The following SVIL variants were observed in gnomAD, a reference collection of about 807,000 sequenced individuals.
SVIL encodes the protein archvillin.
In SVIL, 101 loss-of-function variants were observed where a neutral mutation model predicts 240.4. The ratio of observed to expected loss-of-function variants is 0.42; its 90% CI spans 0.36 to 0.50. The LOEUF is 0.50. Among genes scored for constraint, SVIL ranks in the 20% least tolerant of loss-of-function variants. The pLI is 0.01. For synonymous variants in SVIL, 999 were observed against 1,100.0 expected, an observed-to-expected ratio of 0.91 and a Z score of 1.82; for missense variants, 2,512 against 2,818.7, an observed-to-expected ratio of 0.89 and a Z score of 2.46.
chr10:29,582,310 A>G (rs1194655551), intron 1 of SVIL, among the ~76,000 whole-genome samples: 1 of 152,224 alleles, frequency 6.6e-6, no homozygotes, highest in African/African-American at 2.4e-5. Flanking sequence ...GAGCACCTGG[A>G]GAACAGCTCT....
chr10:29,519,701 C>T (rs572185102), intron 16 of SVIL, among the ~76,000 whole-genome samples: 1 of 152,200 alleles, frequency 6.6e-6, no homozygotes, highest in African/African-American at 2.4e-5. Flanking sequence ...AGCATAGCTG[C>T]TAAATAAAGT....
intron 29 of SVIL, among the ~76,000 whole-genome samples, chr10:29,477,301 T>C (rs1946301419): frequency 6.6e-6 from 1 of 152,246 alleles, no homozygotes; most frequent in Non-Finnish European, 1.5e-5. Context: ...AGACTGTTCA[T>C]GGTCAAGCAT....
At chr10:29,691,551 G>A (rs1049933999) in intron 1 of SVIL, among the ~76,000 whole-genome samples, 38 of 152,140 alleles carry the variant, frequency 2.5e-4, no homozygotes, top group African/African-American at 8.7e-4. Flanking sequence ...TCTTGGCGAC[G>A]CTCCAGCTTC....
At chr10:29,711,648 T>C (rs1221994858) in intron 1 of SVIL, among the ~76,000 whole-genome samples, 2 of 151,640 alleles carry the variant, frequency 1.3e-5, no homozygotes, top group Non-Finnish European at 2.9e-5. Flanking sequence ...TAATCCCAAC[T>C]ACTCAGGAGG....
rs200033641 is a variant in SVIL, at chr10:29,486,514, C to T, written c.4529G>A (p.Gly1510Asp). The T allele has an allele frequency of 2.4e-5, 38 of 1,614,130 alleles. No individual in the cohort carries two copies. The East Asian group carries it at 8.5e-4, about 36-fold the overall frequency. ...ATLIQTKREL[G>D]CRATYIQTIE... Reference sequence around the variant, plus strand: ...GGTTTGGATATAAGTAGCTCTACAACCAAGTTCCCTCTTTGTCTGAATTAA... The same window carrying T: ...GGTTTGGATATAAGTAGCTCTACAATCAAGTTCCCTCTTTGTCTGAATTAA... The change falls in exon 25 of 38, where the codon GGT becomes GAT. Residue 1510 changes from glycine (G) to aspartate (D), a missense_variant. This residue lies in a region of SVIL where 797 missense variants were observed against 925.3 expected (regional missense o/e 0.86). Transcript: ENST00000355867.
At chr10:29,548,292 T>C (rs1952885133) in intron 6 of SVIL, among the ~76,000 whole-genome samples, 1 of 152,176 alleles carries the variant, frequency 6.6e-6, no homozygotes, top group African/African-American at 2.4e-5. Flanking sequence ...TGAATCTTTT[T>C]TTTCAGAATG....
intron 1 of SVIL, among the ~76,000 whole-genome samples, chr10:29,602,956 A>G (rs11007667): frequency 0.14 from 21,054 of 152,118 alleles, 3,510 homozygotes; most frequent in African/African-American, 0.39. Context: ...ATTGCATTCC[A>G]GCCTGGGCAA....
intron 3 of SVIL, among the ~76,000 whole-genome samples, chr10:29,556,972 G>T (rs571853348): frequency 9.8e-4 from 149 of 152,288 alleles, no homozygotes; most frequent in Admixed American, 1.7e-3. Flanking sequence ...GTGCCTAAAA[G>T]GTACGACTTG....
chr10:29,611,347 T>C (rs564383146), intron 1 of SVIL, among the ~76,000 whole-genome samples: 38 of 152,054 alleles, frequency 2.5e-4, no homozygotes, highest in African/African-American at 9.2e-4. Flanking sequence ...ACATAAGGAC[T>C]GGATGCTGGT....
intron 1 of SVIL, among the ~76,000 whole-genome samples, chr10:29,726,214 A>C (rs1589586592): frequency 6.6e-6 from 1 of 152,214 alleles, no homozygotes; most frequent in Admixed American, 6.5e-5. Context: ...GCACCACTGC[A>C]CCTGGCCCCC....
intron 17 of SVIL, among the ~76,000 whole-genome samples, chr10:29,510,095 C>T (rs540296996): frequency 1.3e-5 from 2 of 152,048 alleles, no homozygotes; most frequent in East Asian, 1.9e-4. Flanking sequence ...GGTTTTACCA[C>T]GTTGCCCAAG....
At position 29,550,924 on chromosome 10, in the gene SVIL, T is replaced by A; in HGVS notation, c.500A>T (p.Tyr167Phe). 1 of 1,614,052 alleles carries A rather than the reference T, an allele frequency of 6.2e-7. No homozygotes were observed. The highest frequency in any genetic ancestry group is 8.5e-7 in the Non-Finnish European group (1 of 1,180,016). ...EESSRDASSL[Y>F]PGTETMGLRT... ...GAGCCCCATCGTCTCGGTCCCGGGGTACAGAGAACTAGCATCTCTGCTTGA... is the reference window on the plus strand; with the variant it reads ...GAGCCCCATCGTCTCGGTCCCGGGGAACAGAGAACTAGCATCTCTGCTTGA... Residue 167 changes from tyrosine (Y) to phenylalanine (F), a missense_variant, in exon 6 of 38, where the codon TAC (tyrosine) becomes TTC (phenylalanine). By Grantham distance (22) the Tyr-to-Phe change is conservative (BLOSUM62 3). Coordinates refer to ENST00000355867, the MANE Select transcript of SVIL (RefSeq NM_021738.3).
In SVIL at chr10:29,493,355, C is replaced by T. The variant is rs780441080; in HGVS notation, c.3878G>A (p.Gly1293Asp). The change falls in exon 21 of 38, where the codon GGC becomes GAC. Residue 1293 changes from glycine to aspartate, a missense_variant. By Grantham distance (94) the Gly-to-Asp change is moderately conservative (BLOSUM62 -1). Coordinates refer to ENST00000355867, the MANE Select transcript of SVIL (RefSeq NM_021738.3). ...CTTCATCACCTCCTTCACAGATTTGCCGGTGACAGTGAGCACCGTTTCGTG... is the reference window on the plus strand; with the variant it reads ...CTTCATCACCTCCTTCACAGATTTGTCGGTGACAGTGAGCACCGTTTCGTG... Reference protein sequence around the residue: ...GMHETVLTVTGKSVKEVMKPD... With the variant: ...GMHETVLTVTDKSVKEVMKPD... 2.5e-6 allele frequency: 4 copies of T among 1,614,006 alleles called. No individual in the cohort carries two copies. Among genetic ancestry groups the T allele is most frequent in the Non-Finnish European group, 3.4e-6 (4 of 1,180,028 alleles).
chr10:29,557,976 T>C lies in SVIL; in HGVS notation c.-50-2868A>G, dbSNP rs182842783. ...GGATGTTGAATGTCCCAGGTTCTTA[T>C]AGTGATGCTAAATCACCCCCATTTG... On this transcript the variant is annotated intron_variant, in intron 3 of 37. Transcript: ENST00000355867. Among the ~76,000 whole-genome samples, 582 of 152,326 alleles carry C rather than the reference T, an allele frequency of 3.8e-3. 2 individuals are homozygous for C. The highest frequency in any genetic ancestry group is 0.013 in the African/African-American group (560 of 41,566).
intron 17 of SVIL, among the ~76,000 whole-genome samples, chr10:29,506,710 G>GGGGACAGAGGGCCTACAGGGAA (rs1949343601): frequency 7.7e-6 from 1 of 130,568 alleles, no homozygotes; most frequent in African/African-American, 2.7e-5. Context: ...CTACGAGGGA[G>GGGGACAGAGGGCCTACAGGGAA]GGGATAGAGA....
Position 29,486,236 on chromosome 10 carries a change from G to A in SVIL, c.4634-6C>T. 6.2e-7 allele frequency: 1 copy of A among 1,613,990 alleles called. No homozygotes were observed. Among genetic ancestry groups the A allele is most frequent in the Middle Eastern group, 1.7e-4 (1 of 6,060 alleles). ...TTCTTTTGGGTCTCCAGCAGCTTGGGGATAAGAAGAACAGGAGAGCATCAC... is the reference window on the plus strand; with the variant it reads ...TTCTTTTGGGTCTCCAGCAGCTTGGAGATAAGAAGAACAGGAGAGCATCAC... On this transcript the variant is annotated splice_region_variant and splice_polypyrimidine_tract_variant and intron_variant, in intron 25 of 37. Transcript: ENST00000355867.
At chr10:29,565,724 T>TAAA (rs10657810) in intron 2 of SVIL, among the ~76,000 whole-genome samples, 99 of 147,048 alleles carry the variant, frequency 6.7e-4, no homozygotes, top group African/African-American at 1.3e-3. Context: ...ATCCCATCTC[T>TAAA]AAAAAAAAAA....
chr10:29,691,296 C>G (rs180985278), intron 1 of SVIL, among the ~76,000 whole-genome samples: 1 of 151,600 alleles, frequency 6.6e-6, no homozygotes, highest in Non-Finnish European at 1.5e-5. Context: ...ACTGCAAGCT[C>G]CACCTCCCAG....
chr10:29,570,043 C>T (rs946008216), intron 1 of SVIL, among the ~76,000 whole-genome samples: 2 of 152,212 alleles, frequency 1.3e-5, no homozygotes, highest in Non-Finnish European at 2.9e-5. Flanking sequence ...TTTACAGAAA[C>T]TTCTTCCCCT....
Sources: gnomAD v4.1 joint callset for allele counts (sites outside exome capture counted in the v4.1 genomes callset) on GRCh38, gnomAD v4.1.1 for gene constraint, gnomAD v4.1.1 regional missense constraint, MANE v1.5 for transcripts, NCBI Gene and HGNC (gene_info 2026-07-23, HGNC 2026-07-21) for gene names.